The following CSMD2 variants were observed in gnomAD, a reference collection of about 807,000 sequenced individuals.
CSMD2 encodes the protein CUB and sushi domain-containing protein 2.
A neutral mutation model predicts 398.5 loss-of-function variants in CSMD2; 130 were observed. The ratio of observed to expected loss-of-function variants is 0.33; its 90% CI spans 0.28 to 0.38. CSMD2 has a LOEUF of 0.38. CSMD2 is among the 10% of genes least tolerant of loss of function. The pLI, the probability that CSMD2 is intolerant of heterozygous loss-of-function variation, is 1.00. For synonymous variants in CSMD2, 1,828 were observed against 1,908.5 expected (o/e 0.96, Z 1.10); for missense variants, 3,829 against 4,764.9 (o/e 0.80, Z 5.78).
chr1:33,687,490 T>C (rs1295235290), intron 25 of CSMD2, among the ~76,000 whole-genome samples: 1 of 152,002 alleles, frequency 6.6e-6, no homozygotes, highest in African/African-American at 2.4e-5. Flanking sequence ...AAAAACAGGA[T>C]ATAGAACTCT....
At chr1:34,087,082 G>T (rs1269161025) in intron 2 of CSMD2, among the ~76,000 whole-genome samples, 3 of 152,090 alleles carry the variant, frequency 2.0e-5, no homozygotes, top group African/African-American at 7.2e-5. Flanking sequence ...CTTGGCCAAA[G>T]TGGGCTCTGC....
chr1:34,013,026 A>C (rs899186957), intron 3 of CSMD2, among the ~76,000 whole-genome samples: 1 of 152,180 alleles, frequency 6.6e-6, no homozygotes, highest in Non-Finnish European at 1.5e-5. Context: ...GCCCAACACT[A>C]AGCCCAAGCC....
chr1:33,897,620 G>A (rs1231738158), intron 5 of CSMD2, among the ~76,000 whole-genome samples: 1 of 152,210 alleles, frequency 6.6e-6, no homozygotes, highest in African/African-American at 2.4e-5. Context: ...GAGCAACTGA[G>A]GACACAGCCG....
chr1:33,521,528 G>T lies in CSMD2; in HGVS notation c.10532C>A (p.Ala3511Asp). ...DGHVSSESSG[A>D]TFIYQGSVKG... ...GACAGAGCCTTGGTAGATGAAGGTG[G>T]CTCCGGAGGACTCTGACGAGACCTG... Residue 3511 changes from alanine (A) to aspartate (D), a missense_variant, in exon 68 of 71, where the codon GCC becomes GAC. Physicochemically the swap from Ala to Asp is moderately radical, Grantham distance 126. Around this residue, in one of 5 missense-constraint regions of CSMD2, gnomAD observed 917 missense variants for 1,199.5 expected, o/e 0.76. Transcript: ENST00000373381. 1 of 1,613,046 alleles carries T rather than the reference G, an allele frequency of 6.2e-7. No homozygotes were observed. Among genetic ancestry groups the T allele is most frequent in the Non-Finnish European group, 8.5e-7 (1 of 1,178,994 alleles).
chr1:33,878,777 A>T (rs1338104416), intron 5 of CSMD2, among the ~76,000 whole-genome samples: 2 of 152,170 alleles, frequency 1.3e-5, no homozygotes, highest in East Asian at 3.9e-4. Flanking sequence ...TTGAGATATG[A>T]CCTTTCCAAT....
At chr1:34,045,072 CA>C (rs1558295465) in intron 2 of CSMD2, among the ~76,000 whole-genome samples, 20 of 136,586 alleles carry the variant, frequency 1.5e-4, no homozygotes, top group South Asian at 1.1e-3. Context: ...CACACACACA[CA>C]CACACCCCTA....
intron 54 of CSMD2, among the ~76,000 whole-genome samples, chr1:33,558,255 A>G (rs571663213): frequency 6.6e-6 from 1 of 152,346 alleles, no homozygotes; most frequent in South Asian, 2.1e-4. Context: ...TCTAGTCTCC[A>G]TATATCTGAT....
chr1:34,110,867 C>T (rs1661014081), intron 1 of CSMD2, among the ~76,000 whole-genome samples: 2 of 152,062 alleles, frequency 1.3e-5, no homozygotes, highest in Non-Finnish European at 2.9e-5. Context: ...ATATAACAAA[C>T]TTGCACATGT....
At chr1:34,092,841 A>G (rs1343403495) in intron 1 of CSMD2, among the ~76,000 whole-genome samples, 21 of 151,658 alleles carry the variant, frequency 1.4e-4, no homozygotes, top group Non-Finnish European at 2.6e-4. Flanking sequence ...AGGGGCGCCC[A>G]CCATTGCCCA....
intron 11 of CSMD2, 35 bp from the exon 12 acceptor site, chr1:33,788,747 C>T (rs1467062047): frequency 1.6e-6 from 2 of 1,245,766 alleles, no homozygotes; most frequent in Admixed American, 1.7e-5. Context: ...GTGTGCTCTC[C>T]ACCATGACAC....
intron 3 of CSMD2, among the ~76,000 whole-genome samples, chr1:34,031,765 CAAAA>C (rs556094322): frequency 0.081 from 5,782 of 71,452 alleles, 112 homozygotes; most frequent in East Asian, 0.16. Context: ...AAGGCAAAGG[CAAAA>C]AAAAAAAAAA....
At chr1:33,979,895 G>A (rs1458533038) in intron 3 of CSMD2, among the ~76,000 whole-genome samples, 1 of 152,202 alleles carries the variant, frequency 6.6e-6, no homozygotes, top group Non-Finnish European at 1.5e-5. Flanking sequence ...GCAATGCCAG[G>A]CATCTAGCCA....
chr1:33,763,684 T>TCCTC (rs1170381898), intron 13 of CSMD2, among the ~76,000 whole-genome samples: 3 of 152,118 alleles, frequency 2.0e-5, no homozygotes, highest in Non-Finnish European at 2.9e-5. Context: ...CCTGGCCAGG[T>TCCTC]ACACTGAAGA....
intron 3 of CSMD2, among the ~76,000 whole-genome samples, chr1:33,987,182 TC>T (rs1646388903): frequency 6.6e-6 from 1 of 152,136 alleles, no homozygotes; most frequent in African/African-American, 2.4e-5. Flanking sequence ...TCCTTGTTCT[TC>T]CACTACCTAA....
In CSMD2 at chr1:33,874,460, C is replaced by T. The variant is rs150420525; in HGVS notation, c.921-27464G>A. Reference sequence around the variant, plus strand: ...ATGAGAAGCATGTTTTTTCTTCTGTCCTGTGTCTCCCTTCTCTCAAGAACT... The same window carrying T: ...ATGAGAAGCATGTTTTTTCTTCTGTTCTGTGTCTCCCTTCTCTCAAGAACT... On this transcript the variant is annotated intron_variant, in intron 5 of 70. Coordinates refer to ENST00000373381, the MANE Select transcript of CSMD2 (RefSeq NM_001281956.2). Among the ~76,000 whole-genome samples, 300 of 152,258 alleles carry T rather than the reference C, an allele frequency of 2.0e-3. 1 individual carries two copies. Among genetic ancestry groups the T allele is most frequent in the Non-Finnish European group, 3.2e-3 (215 of 68,022 alleles).
At chr1:33,560,611 C>T (rs1255931779) in intron 53 of CSMD2, among the ~76,000 whole-genome samples, 2 of 152,228 alleles carry the variant, frequency 1.3e-5, no homozygotes, top group Non-Finnish European at 2.9e-5. Context: ...TCAAATTAAC[C>T]ATGTCAGTGA....
chr1:34,039,044 C>T (rs1651516464), intron 2 of CSMD2, among the ~76,000 whole-genome samples: 1 of 152,156 alleles, frequency 6.6e-6, no homozygotes, highest in South Asian at 2.1e-4. Context: ...AATCTTATCA[C>T]GAGTGTCTCA....
In CSMD2 at chr1:33,786,481, T is replaced by C. The variant is rs547552124; in HGVS notation, c.1663+2119A>G. 1.6e-4 allele frequency among the ~76,000 whole-genome samples: 24 copies of C among 152,358 alleles called. 1 individual carries two copies. The South Asian group carries it at 4.8e-3, about 30-fold the overall frequency. On this transcript the variant is annotated intron_variant, in intron 12 of 70. Transcript: ENST00000373381. ...CCTCTCATAGCCCCACAGCTGCTTA[T>C]GTGTAACTTTATGCACCGGAACAGC... is the stretch of plus-strand genomic sequence containing the variant.
chr1:33,529,796 A>T (rs1289160731), intron 64 of CSMD2, among the ~76,000 whole-genome samples: 1 of 152,240 alleles, frequency 6.6e-6, no homozygotes, highest in East Asian at 1.9e-4. Flanking sequence ...TATCAAAATT[A>T]AAGACACTGG....
Sources: gnomAD v4.1 joint callset for allele counts (sites outside exome capture counted in the v4.1 genomes callset) on GRCh38, gnomAD v4.1.1 for gene constraint, gnomAD v4.1.1 regional missense constraint, MANE v1.5 for transcripts, NCBI Gene and HGNC (gene_info 2026-07-23, HGNC 2026-07-21) for gene names.